Variants in CLCN7 observed in about 807,000 individuals in gnomAD.
CLCN7 encodes the protein Cl-/H+ antiporter 7.
A neutral mutation model predicts 102.1 loss-of-function variants in CLCN7; 60 were observed. The observed-to-expected ratio is 0.59, with a 90% confidence interval of 0.48 to 0.73. The LOEUF is 0.73. CLCN7 is among the 30% of genes least tolerant of loss of function. The pLI is 0.00. For synonymous variants in CLCN7, 560 were observed against 490.5 expected, an observed-to-expected ratio of 1.14 and a Z score of -1.87; for missense variants, 962 against 1,125.7, an observed-to-expected ratio of 0.85 and a Z score of 2.08.
rs751010422 is a variant in CLCN7, at chr16:1,448,807, C to T, written c.1798-41G>A. 3.4e-5 allele frequency: 55 copies of T among 1,603,312 alleles called. No homozygotes were observed. The South Asian group carries it at 4.6e-4, about 13-fold the overall frequency. On this transcript the variant is annotated intron_variant, in intron 19 of 24. Transcript: ENST00000382745. ...GAACACAGGGCTTGAGGAGTCCACA[C>T]CCACCCCTGGAGCCCCGAGCCTACC...
Position 1,448,972 on chromosome 16 carries a change from GA to G in CLCN7, c.1790del (p.Phe597SerfsTer34), listed in dbSNP as rs1441510891. On this transcript the variant is annotated frameshift_variant, in exon 19 of 25. Transcript: ENST00000382745. LOFTEE classifies it high-confidence loss of function. ...LMTAKIVGDVFIEGLYDMHIQ... is the reference protein window; with the variant it reads ...LMTAKIVGDVXIEGLYDMHIQ... The stretch of plus-strand genomic sequence containing the variant: ...CTTCGAGGCCCTGGCGCACCTCAAT[GA>G]AGACGTCGCCCACGATCTTGGCGGT... 1.2e-6 allele frequency: 2 copies of G among 1,612,622 alleles called. No homozygotes were observed.
At chr16:1,474,091 A>G (rs2039116715) in intron 1 of CLCN7, 1 of 444,194 alleles carries the variant, frequency 2.3e-6, no homozygotes, top group Admixed American at 2.5e-5. Flanking sequence ...TCTCAAAAAA[A>G]AAAAAATATT....
At position 1,455,228 on chromosome 16, in the gene CLCN7, G is replaced by A. The variant is rs1334003772; in HGVS notation, c.1004C>T (p.Thr335Met). The A allele has an allele frequency of 6.2e-6, 10 of 1,612,668 alleles. No homozygotes were observed. The African/African-American group carries it at 8.0e-5, about 13-fold the overall frequency. ...GCTCAGAACAAAATTCAGGGTGAAC[G>A]TGGAGATCATGGAAGCAAAGAACTG... ...WRIFFASMIS[T>M]FTLNFVLSIY... Residue 335 changes from threonine to methionine, a missense_variant, in exon 12 of 25, where the codon ACG (threonine) becomes ATG (methionine). By Grantham distance (81) the Thr-to-Met change is moderately conservative. Coordinates refer to ENST00000382745, the MANE Select transcript of CLCN7 (RefSeq NM_001287.6).
Position 1,447,335 on chromosome 16 carries a change from C to T in CLCN7, c.2250+57G>A. The T allele has an allele frequency of 9.3e-6, 14 of 1,504,410 alleles. 1 individual carries two copies. In the South Asian group the frequency reaches 1.5e-4, roughly 16 times the overall value. 93.2% of individuals were successfully genotyped at this position (1,504,410 alleles called of 1,614,324 possible). A position where few individuals can be genotyped will look rare whatever the true frequency, so the allele number is the denominator to read the frequency against. ...GCTGCCCCTCCCCGAGGCTCTGGAC[C>T]CCACCCCCTGCTGTTCAGTCCCAGG... On this transcript the variant is annotated intron_variant, in intron 23 of 24. Transcript: ENST00000382745.
rs2277856 is a variant in CLCN7, at chr16:1,454,770, C to T, written c.1099-305G>A. 0.38 allele frequency among the ~76,000 whole-genome samples: 57,953 copies of T among 152,176 alleles called. 11,747 individuals are homozygous for T. The highest frequency in any genetic ancestry group is 0.74 in the East Asian group (3,841 of 5,160). ...TCCCCCAGTTTCCTGCGCACAGAGC[C>T]GCCCTATCGATGGCACGGAGAGTCT... On this transcript the variant is annotated intron_variant, in intron 12 of 24. Coordinates refer to ENST00000382745, the MANE Select transcript of CLCN7 (RefSeq NM_001287.6).
chr16:1,448,817 G>T, intron 19 of CLCN7, 51 bp from the exon 20 acceptor site: 8 of 1,600,272 alleles, frequency 5.0e-6, no homozygotes, highest in Non-Finnish European at 6.8e-6. Flanking sequence ...CCCACCCCTG[G>T]AGCCCCGAGC....
chr16:1,458,785 G>A (rs140493990), intron 7 of CLCN7, among the ~76,000 whole-genome samples: 71 of 152,318 alleles, frequency 4.7e-4, no homozygotes, highest in African/African-American at 1.2e-3. Context: ...CCACTACCAC[G>A]ACAGCTTCCA....
intron 7 of CLCN7, among the ~76,000 whole-genome samples, chr16:1,458,673 G>A (rs544567034): frequency 2.3e-4 from 35 of 152,304 alleles, no homozygotes; most frequent in South Asian, 1.7e-3. Context: ...CAACCACAGC[G>A]GAACTGGGTC....
chr16:1,447,849 C>G (rs778482475), intron 21 of CLCN7, 135 bp from the exon 22 acceptor site: 5 of 934,636 alleles, frequency 5.3e-6, no homozygotes, highest in Non-Finnish European at 8.3e-6. Flanking sequence ...CGGTGGCTAC[C>G]TGCTCACACC....
At chr16:1,462,078 C>T (rs890566646) in intron 2 of CLCN7, among the ~76,000 whole-genome samples, 2 of 122,802 alleles carry the variant, frequency 1.6e-5, no homozygotes, top group African/African-American at 3.0e-5. Context: ...GAGCAAGACT[C>T]CGTCTCAAAG....
At position 1,457,620 on chromosome 16, in the gene CLCN7, C is replaced by T; in HGVS notation, c.738+74G>A. 1 of 1,483,298 alleles carries T rather than the reference C, an allele frequency of 6.7e-7. No homozygotes were observed. Among genetic ancestry groups the T allele is most frequent in the Non-Finnish European group, 9.4e-7 (1 of 1,066,900 alleles). The allele number at this position is 1,483,298 out of a possible 1,614,324, so 91.9% of individuals were successfully genotyped here. On this transcript the variant is annotated intron_variant, in intron 8 of 24. Transcript: ENST00000382745. This position sits in a 1 kb window ranked among gnomAD's most constrained non-coding sequence, Gnocchi z 5.4. Reference sequence around the variant, plus strand: ...CCAGAAGGACCGGTGCTCAGAGACACACATGGGCGTGGCGGCCCTCGCGGG... The same window carrying T: ...CCAGAAGGACCGGTGCTCAGAGACATACATGGGCGTGGCGGCCCTCGCGGG...
rs913847434 is a variant in CLCN7, at chr16:1,445,828, A to G, written c.*803T>C. On this transcript the variant is annotated 3_prime_UTR_variant, in exon 25 of 25. Coordinates refer to ENST00000382745, the MANE Select transcript of CLCN7 (RefSeq NM_001287.6). ...CCCAGCCAGTGTCCACAGGGCAGCA[A>G]TTCCACGCTCTGAGGCTCAGGGACC... is the stretch of plus-strand genomic sequence containing the variant. The G allele has an allele frequency of 1.2e-5, 2 of 169,254 alleles. No individual in the cohort carries two copies. The highest frequency in any genetic ancestry group is 4.8e-5 in the African/African-American group (2 of 41,730). 10.5% of individuals were successfully genotyped at this position (169,254 alleles called of 1,614,324 possible). A position where few individuals can be genotyped will look rare whatever the true frequency, so the allele number is the denominator to read the frequency against.
chr16:1,465,212 C>G lies in CLCN7; in HGVS notation c.213+55G>C, dbSNP rs918757908. 3 of 1,553,654 alleles carry G rather than the reference C, an allele frequency of 1.9e-6. No individual in the cohort carries two copies. In the African/African-American group the frequency reaches 4.1e-5, roughly 21 times the overall value. The stretch of plus-strand genomic sequence containing the variant: ...CTCGGCCCGTGCCCATCCCTGTCAC[C>G]CTCTGCTAAGATGCAGCTAGCTCTG... On this transcript the variant is annotated intron_variant, in intron 2 of 24. Transcript: ENST00000382745.
At chr16:1,465,204 C>T (rs2038988246) in intron 2 of CLCN7, 63 bp downstream of exon 2, 1 of 1,521,994 alleles carries the variant, frequency 6.6e-7, no homozygotes, top group Non-Finnish European at 9.1e-7. Context: ...CGTGCCCATC[C>T]CTGTCACCCT....
At chr16:1,446,862 G>GC in intron 24 of CLCN7, 144 bp downstream of exon 24, 2 of 1,103,098 alleles carry the variant, frequency 1.8e-6, no homozygotes, top group Non-Finnish European at 2.7e-6. Context: ...CGGGGCTGGG[G>GC]AGGGGTGCAG....
intron 9 of CLCN7, 69 bp from the exon 10 acceptor site, chr16:1,456,275 C>T: frequency 8.5e-7 from 1 of 1,175,390 alleles, no homozygotes. Context: ...GGGAGAGCAA[C>T]TGCCAGGACA....
chr16:1,459,249 A>G (rs2038889317), intron 6 of CLCN7, 62 bp from the exon 7 acceptor site: 1 of 1,156,104 alleles, frequency 8.6e-7, no homozygotes, highest in Non-Finnish European at 1.2e-6. Flanking sequence ...GCAGCCCCTC[A>G]GCCCCAGGAG....
intron 4 of CLCN7, among the ~76,000 whole-genome samples, 176 bp from the exon 5 acceptor site, chr16:1,461,124 C>T (rs1000347390): frequency 6.6e-5 from 10 of 152,232 alleles, no homozygotes; most frequent in African/African-American, 2.4e-4. Flanking sequence ...ACCCGGGGCC[C>T]GAGGGTGACT....
chr16:1,470,884 T>C (rs2039068988), intron 1 of CLCN7, among the ~76,000 whole-genome samples: 1 of 152,096 alleles, frequency 6.6e-6, no homozygotes, highest in South Asian at 2.1e-4. Context: ...TGTCCCAACA[T>C]GAGTTCCCAG....
Sources: allele counts gnomAD v4.1 joint callset (sites outside exome capture counted in the v4.1 genomes callset), GRCh38; gene constraint gnomAD v4.1.1; non-coding constraint Gnocchi (gnomAD v3.1); transcripts MANE v1.5; gene names NCBI Gene and HGNC (gene_info 2026-07-23, HGNC 2026-07-21).